The following NPAS3 variants were observed in gnomAD, a reference collection of about 807,000 sequenced individuals.
The protein encoded by NPAS3 is neuronal PAS domain-containing protein 3.
NPAS3 carries 14 observed loss-of-function variants against 73.1 expected under a neutral mutation model. That is an observed-to-expected ratio of 0.19 (90% CI 0.13 to 0.30). The LOEUF is 0.30. Among genes scored for constraint, NPAS3 ranks in the 10% least tolerant of loss-of-function variants. NPAS3 has a pLI of 1.00. For synonymous variants in NPAS3, 620 were observed against 541.5 expected (o/e 1.14, Z -2.01); for missense variants, 1,096 against 1,250.0 (o/e 0.88, Z 1.86).
chr14:33,473,180 G>A (rs1021505103), intron 4 of NPAS3, among the ~76,000 whole-genome samples: 2 of 152,158 alleles, frequency 1.3e-5, no homozygotes, highest in African/African-American at 4.8e-5. Flanking sequence ...TGGGAAATTG[G>A]CAGAGACGCT....
chr14:33,667,323 G>T (rs1179708123), intron 5 of NPAS3, among the ~76,000 whole-genome samples: 1 of 152,094 alleles, frequency 6.6e-6, no homozygotes, highest in Non-Finnish European at 1.5e-5. Context: ...GAAATAAAAT[G>T]CCAGATTACA....
chr14:33,068,309 G>A (rs985096552), intron 2 of NPAS3, among the ~76,000 whole-genome samples: 2 of 152,112 alleles, frequency 1.3e-5, no homozygotes, highest in African/African-American at 2.4e-5. Context: ...TTCTTAGCGC[G>A]AGTTCTGTGC....
intron 4 of NPAS3, among the ~76,000 whole-genome samples, chr14:33,444,735 A>G (rs534503316): frequency 6.6e-6 from 1 of 152,360 alleles, no homozygotes; most frequent in East Asian, 1.9e-4. Flanking sequence ...TATCTTGTTT[A>G]AAAGAGATCT....
intron 2 of NPAS3, among the ~76,000 whole-genome samples, chr14:33,103,137 A>G (rs1486891028): frequency 6.6e-6 from 1 of 152,196 alleles, no homozygotes; most frequent in Non-Finnish European, 1.5e-5. Context: ...CAGGTAAAGT[A>G]TTGGGAATAT....
At chr14:32,972,039 C>T (rs974044703) in intron 1 of NPAS3, among the ~76,000 whole-genome samples, 2 of 149,426 alleles carry the variant, frequency 1.3e-5, no homozygotes, top group East Asian at 2.0e-4. Flanking sequence ...CCTGGGTTCA[C>T]GCCATTCTCT....
intron 5 of NPAS3, among the ~76,000 whole-genome samples, chr14:33,621,116 G>A (rs917303652): frequency 1.5e-4 from 23 of 152,126 alleles, no homozygotes; most frequent in African/African-American, 4.3e-4. Flanking sequence ...ACTGCAATAC[G>A]TGAAAAGGTG....
chr14:33,134,182 TCTTG>T (rs1008418372), intron 2 of NPAS3, among the ~76,000 whole-genome samples: 19 of 152,166 alleles, frequency 1.2e-4, no homozygotes, highest in African/African-American at 4.6e-4. Flanking sequence ...GTGATTTTCT[TCTTG>T]GGAATTTAGG....
intron 2 of NPAS3, among the ~76,000 whole-genome samples, chr14:33,127,759 G>A (rs1262825587): frequency 6.6e-6 from 1 of 152,080 alleles, no homozygotes; most frequent in Non-Finnish European, 1.5e-5. Context: ...TAATCCCATG[G>A]CTTTGGAGGA....
chr14:33,684,598 T>G (rs2060035722), intron 6 of NPAS3, among the ~76,000 whole-genome samples: 1 of 152,206 alleles, frequency 6.6e-6, no homozygotes, highest in African/African-American at 2.4e-5. Context: ...ACACCCAGCC[T>G]CTTTGCTCTC....
chr14:33,412,606 G>C (rs2047978372), intron 4 of NPAS3, among the ~76,000 whole-genome samples: 1 of 152,194 alleles, frequency 6.6e-6, no homozygotes, highest in South Asian at 2.1e-4. Context: ...AGTTTGAATT[G>C]CCTGTGACTA....
At chr14:33,293,179 C>T (rs777312951) in intron 3 of NPAS3, among the ~76,000 whole-genome samples, 28 of 152,000 alleles carry the variant, frequency 1.8e-4, no homozygotes, top group Non-Finnish European at 3.5e-4. Context: ...TCTTTGCTTA[C>T]TCATAGTTTA....
At chr14:33,416,350 T>G (rs2048147951) in intron 4 of NPAS3, among the ~76,000 whole-genome samples, 1 of 152,086 alleles carries the variant, frequency 6.6e-6, no homozygotes, top group African/African-American at 2.4e-5. Flanking sequence ...GACTAGAAGA[T>G]ATACTGAGAT....
chr14:33,361,384 G>A (rs1407991052), intron 3 of NPAS3, among the ~76,000 whole-genome samples: 2 of 152,152 alleles, frequency 1.3e-5, no homozygotes, highest in African/African-American at 2.4e-5. Flanking sequence ...TCAAGAAGCC[G>A]AGAAGTGCAT....
intron 5 of NPAS3, among the ~76,000 whole-genome samples, chr14:33,666,447 G>A (rs997734861): frequency 2.0e-5 from 3 of 152,158 alleles, no homozygotes; most frequent in African/African-American, 7.2e-5. Context: ...TGTGAATCGT[G>A]AACTAGCAGG....
intron 8 of NPAS3, among the ~76,000 whole-genome samples, chr14:33,775,903 A>T (rs2062800065): frequency 6.6e-6 from 1 of 152,192 alleles, no homozygotes; most frequent in African/African-American, 2.4e-5. Flanking sequence ...TCACCTGCAC[A>T]ATTTCACTTA....
intron 4 of NPAS3, among the ~76,000 whole-genome samples, chr14:33,457,994 G>T (rs991739974): frequency 6.6e-6 from 1 of 152,158 alleles, no homozygotes; most frequent in Admixed American, 6.5e-5. Context: ...AGGCTCACTG[G>T]TTGATGTGTT....
At chr14:33,672,743 G>C (rs1384367853) in intron 5 of NPAS3, among the ~76,000 whole-genome samples, 1 of 151,860 alleles carries the variant, frequency 6.6e-6, no homozygotes, top group Non-Finnish European at 1.5e-5. Context: ...TGGGAAAAGT[G>C]GTGGACTGAG....
At chr14:33,595,589 GAAAC>G (rs894355383) in intron 5 of NPAS3, among the ~76,000 whole-genome samples, 5 of 152,126 alleles carry the variant, frequency 3.3e-5, no homozygotes, top group South Asian at 2.1e-4. Flanking sequence ...ATTAGAAAGA[GAAAC>G]AAAAGGGAAA....
At chr14:33,243,339 A>C (rs1010149767) in intron 3 of NPAS3, among the ~76,000 whole-genome samples, 2 of 152,240 alleles carry the variant, frequency 1.3e-5, no homozygotes, top group East Asian at 1.9e-4. Context: ...TGTCTTGTTA[A>C]TCCTAAGTAA....
Sources: allele counts gnomAD v4.1 joint callset (sites outside exome capture counted in the v4.1 genomes callset), GRCh38; gene constraint gnomAD v4.1.1; transcripts MANE v1.5; gene names NCBI Gene and HGNC (gene_info 2026-07-23, HGNC 2026-07-21).